CCDC91: variants seen among roughly 807,000 people sequenced by gnomAD.
CCDC91 encodes the protein coiled-coil domain-containing protein 91.
Under a neutral mutation model 63.2 loss-of-function variants are expected in CCDC91, and 48 were observed. The observed-to-expected ratio is 0.76, with a 90% CI of 0.60 to 0.97. The LOEUF (loss-of-function observed/expected upper bound fraction) is 0.97, where lower values mean the gene tolerates loss of function less well. CCDC91 is among the 50% of genes least tolerant of loss of function. The pLI, the probability that CCDC91 is intolerant of heterozygous loss-of-function variation, is 0.00. For missense variants in CCDC91, 500 were observed against 494.6 expected, an observed-to-expected ratio of 1.01 and a Z score of -0.10; for synonymous variants, 167 against 165.8, an observed-to-expected ratio of 1.01 and a Z score of -0.06.
intron 11 of CCDC91, among the ~76,000 whole-genome samples, chr12:28,456,801 T>A (rs1349451513): frequency 6.6e-6 from 1 of 152,068 alleles, no homozygotes; most frequent in Non-Finnish European, 1.5e-5. Context: ...CTAGAGGAAA[T>A]GTTGAGTAGG....
chr12:28,267,852 G>GTAATATATAATTATTTAT (rs1947377916), intron 3 of CCDC91, among the ~76,000 whole-genome samples: 2 of 26,156 alleles, frequency 7.6e-5, no homozygotes, highest in African/African-American at 2.8e-4. Flanking sequence ...TAATTATATA[G>GTAATATATAATTATTTAT]TAATATATAA....
intron 12 of CCDC91, among the ~76,000 whole-genome samples, chr12:28,496,038 C>T (rs1952261831): frequency 6.6e-6 from 1 of 151,626 alleles, no homozygotes; most frequent in Admixed American, 6.6e-5. Flanking sequence ...ACTTCTAGAA[C>T]CAATTTACAT....
At chr12:28,435,585 G>A (rs1948861172) in intron 8 of CCDC91, among the ~76,000 whole-genome samples, 1 of 151,738 alleles carries the variant, frequency 6.6e-6, no homozygotes, top group South Asian at 2.1e-4. Context: ...TGTTTATTGT[G>A]CTGTTGTTGG....
At chr12:28,274,371 T>C (rs1487929544) in intron 3 of CCDC91, among the ~76,000 whole-genome samples, 1 of 152,178 alleles carries the variant, frequency 6.6e-6, no homozygotes. Context: ...TTTCCAGTTC[T>C]GTGAAGAAAG....
rs951271710 is a variant in CCDC91, at chr12:28,478,006, T to G, written c.1102-6046T>G. On this transcript the variant is annotated intron_variant, in intron 11 of 12. Transcript: ENST00000536442. ...AACATTCCATGCTCATGGATAGGAA[T>G]AATCAATATCGTGAAAATGGCCATA... Among the ~76,000 whole-genome samples, 15 of 152,144 alleles carry G rather than the reference T, an allele frequency of 9.9e-5. No individual in the cohort carries two copies. The East Asian group carries it at 1.2e-3, about 12-fold the overall frequency.
At chr12:28,447,733 CAGGGCAGGGCAGGGG>C (rs1333039934) in intron 8 of CCDC91, among the ~76,000 whole-genome samples, 1 of 73,882 alleles carries the variant, frequency 1.4e-5, no homozygotes, top group African/African-American at 5.9e-5. Context: ...CAGGGCAGGG[CAGGGCAGGGCAGGGG>C]AGGGGAGGGG....
At chr12:28,426,876 C>T (rs1243073025) in intron 8 of CCDC91, among the ~76,000 whole-genome samples, 1 of 152,098 alleles carries the variant, frequency 6.6e-6, no homozygotes, top group Non-Finnish European at 1.5e-5. Context: ...TTATGATGTA[C>T]TATATAATAG....
At chr12:28,357,566 G>A (rs1188080660) in intron 6 of CCDC91, among the ~76,000 whole-genome samples, 2 of 151,388 alleles carry the variant, frequency 1.3e-5, no homozygotes, top group Non-Finnish European at 2.9e-5. Context: ...TGTTGATGAG[G>A]GAATGAGAAT....
intron 1 of CCDC91, among the ~76,000 whole-genome samples, chr12:28,219,123 C>CT (rs1383273706): frequency 2.0e-5 from 3 of 152,102 alleles, no homozygotes; most frequent in Non-Finnish European, 4.4e-5. Context: ...TATTGTGAAT[C>CT]TTTTTAAGTA....
chr12:28,270,715 T>C (rs1947711767), intron 3 of CCDC91, among the ~76,000 whole-genome samples: 1 of 152,154 alleles, frequency 6.6e-6, no homozygotes, highest in African/African-American at 2.4e-5. Context: ...TAAACACAAG[T>C]ATTTTGCGTC....
intron 3 of CCDC91, among the ~76,000 whole-genome samples, chr12:28,281,957 A>C (rs1237423722): frequency 6.6e-6 from 1 of 152,186 alleles, no homozygotes; most frequent in Non-Finnish European, 1.5e-5. Flanking sequence ...TATAGAAAAG[A>C]CTTGTAAACT....
At chr12:28,213,374 C>G (rs1247214353) in intron 1 of CCDC91, among the ~76,000 whole-genome samples, 1 of 152,160 alleles carries the variant, frequency 6.6e-6, no homozygotes, top group Non-Finnish European at 1.5e-5. Context: ...GAAATAAATG[C>G]TTAAGTTTTC....
intron 8 of CCDC91, among the ~76,000 whole-genome samples, chr12:28,446,132 A>G (rs1949487755): frequency 6.6e-6 from 1 of 152,190 alleles, no homozygotes; most frequent in African/African-American, 2.4e-5. Context: ...GCCTCTTAAC[A>G]CATTGCTCCT....
At chr12:28,339,940 C>A (rs1015970630) in intron 6 of CCDC91, among the ~76,000 whole-genome samples, 1 of 152,134 alleles carries the variant, frequency 6.6e-6, no homozygotes, top group African/African-American at 2.4e-5. Flanking sequence ...GATCAAATCA[C>A]TGTATTAATA....
intron 12 of CCDC91, among the ~76,000 whole-genome samples, chr12:28,503,835 A>G (rs1938315800): frequency 6.6e-6 from 1 of 152,070 alleles, no homozygotes; most frequent in African/African-American, 2.4e-5. Flanking sequence ...TATCACAAGG[A>G]CAAAAAACCA....
At chr12:28,387,059 G>GT (rs1453508305) in intron 7 of CCDC91, among the ~76,000 whole-genome samples, 1 of 152,094 alleles carries the variant, frequency 6.6e-6, no homozygotes, top group Non-Finnish European at 1.5e-5. Context: ...TGTGAGAAAC[G>GT]TAAAGGAATC....
In CCDC91 at chr12:28,190,560, G is replaced by T. The variant is rs980288292; in HGVS notation, c.-96G>T. ...GCCGTGCCTCGGGTGTACGCGTAGG[G>T]GTCTGTGTGCTGGGGGTGGCTCACC... On this transcript the variant is annotated 5_prime_UTR_variant, in exon 1 of 13. Coordinates refer to ENST00000536442, the MANE Select transcript of CCDC91 (RefSeq NM_018318.5). 6.5e-6 allele frequency: 1 copy of T among 154,188 alleles called. No individual in the cohort carries two copies. Among genetic ancestry groups the T allele is most frequent in the Non-Finnish European group, 1.4e-5 (1 of 69,440 alleles). 9.6% of individuals were successfully genotyped at this position (154,188 alleles called of 1,614,324 possible). A position where few individuals can be genotyped will look rare whatever the true frequency, so the allele number is the denominator to read the frequency against.
intron 6 of CCDC91, among the ~76,000 whole-genome samples, chr12:28,327,793 G>T (rs1371920720): frequency 6.6e-6 from 1 of 152,074 alleles, no homozygotes; most frequent in African/African-American, 2.4e-5. Flanking sequence ...CATTTAGCAT[G>T]GAAATTAGAT....
intron 6 of CCDC91, among the ~76,000 whole-genome samples, chr12:28,350,812 C>A (rs1284786207): frequency 1.3e-5 from 2 of 152,182 alleles, no homozygotes; most frequent in Non-Finnish European, 2.9e-5. Context: ...TCTATCTTCT[C>A]CTGGCCCTCT....
Sources: gnomAD v4.1 joint callset for allele counts (sites outside exome capture counted in the v4.1 genomes callset) on GRCh38, gnomAD v4.1.1 for gene constraint, MANE v1.5 for transcripts, NCBI Gene and HGNC (gene_info 2026-07-23, HGNC 2026-07-21) for gene names.